Variants in COL2A1 observed in about 807,000 individuals in gnomAD.
COL2A1 encodes the protein collagen alpha-1(II) chain.
COL2A1 carries 28 observed loss-of-function variants against 204.5 expected under a neutral mutation model. The ratio of observed to expected loss-of-function variants is 0.14; its 90% CI spans 0.10 to 0.19. COL2A1 has a LOEUF of 0.19. Among genes scored for constraint, COL2A1 ranks in the 10% least tolerant of loss-of-function variants. COL2A1 has a pLI of 1.00. For synonymous variants in COL2A1, 708 were observed against 718.7 expected (o/e 0.99, Z 0.24); for missense variants, 1,388 against 2,027.5 (o/e 0.68, Z 6.06).
rs1464610512 is a variant in COL2A1 at position 47,992,880 on chromosome 12, C to A, written c.1021G>T (p.Ala341Ser). 6.2e-7 allele frequency: 1 copy of A among 1,614,072 alleles called. No individual in the cohort carries two copies. Among genetic ancestry groups the A allele is most frequent in the African/African-American group, 1.3e-5 (1 of 74,932 alleles). ...ERGRTGPAGAAGARGNDGQPG... is the reference protein window; with the variant it reads ...ERGRTGPAGASGARGNDGQPG... Reference sequence around the variant, plus strand: ...GTTTGGCTTTGTCAATTACTCACCGCAGCGCCAGCAGGGCCAGTCCGTCCT... The same window carrying A: ...GTTTGGCTTTGTCAATTACTCACCGAAGCGCCAGCAGGGCCAGTCCGTCCT... The change falls in exon 16 of 54, where the codon GCG becomes TCG. Residue 341 changes from alanine to serine, a missense_variant and splice_region_variant. Physicochemically the swap from Ala to Ser is moderately conservative, Grantham distance 99. Transcript: ENST00000380518.
chr12:47,984,462 C>A, intron 28 of COL2A1, 84 bp downstream of exon 28: 1 of 1,420,116 alleles, frequency 7.0e-7, no homozygotes, highest in Non-Finnish European at 9.9e-7. Flanking sequence ...GTCCCGGGAC[C>A]ATGCCATGGG....
chr12:47,998,336 G>T, intron 3 of COL2A1, 79 bp downstream of exon 3: 1 of 1,511,118 alleles, frequency 6.6e-7, no homozygotes, highest in South Asian at 1.1e-5. Context: ...TCACAGACTG[G>T]ATTAACATAG....
chr12:47,979,389 C>T (rs1394983309), intron 41 of COL2A1, 122 bp downstream of exon 41: 1 of 1,039,974 alleles, frequency 9.6e-7, no homozygotes, highest in South Asian at 1.3e-5. Flanking sequence ...AGCTACTCCT[C>T]CAGGGGGCAG....
intron 23 of COL2A1, 85 bp from the exon 24 acceptor site, chr12:47,986,050 C>A (rs549665964): frequency 1.5e-6 from 2 of 1,310,728 alleles, no homozygotes; most frequent in Non-Finnish European, 2.2e-6. Flanking sequence ...ACTAACCCAC[C>A]AACCCCAATT....
At chr12:47,982,239 G>T in intron 34 of COL2A1, 79 bp from the exon 35 acceptor site, 1 of 1,337,314 alleles carries the variant, frequency 7.5e-7, no homozygotes, top group South Asian at 1.2e-5. Flanking sequence ...CCAGGCTGGG[G>T]TGCTAGGGAA....
chr12:47,974,952 G>A (rs1270414420), intron 51 of COL2A1, 90 bp from the exon 52 acceptor site: 1 of 1,333,842 alleles, frequency 7.5e-7, no homozygotes, highest in Non-Finnish European at 1.0e-6. Context: ...AAGAGACAGA[G>A]AGGCCTACAG....
chr12:48,004,486 C>G (rs2136653635), upstream of COL2A1: 1 of 545,362 alleles, frequency 1.8e-6, no homozygotes, highest in South Asian at 2.3e-5. Context: ...CGTCTTCTCC[C>G]CGCCGCGGCG....
At position 47,980,464 on chromosome 12, in the gene COL2A1, C is replaced by T; in HGVS notation, c.2625+90G>A. ...TGGGGGTGTTCCCAGGCCTGCGAAC[C>T]ATCCTCTGCGCAGCCTGCTGGGGCC... On this transcript the variant is annotated intron_variant, in intron 39 of 53. Coordinates refer to ENST00000380518, the MANE Select transcript of COL2A1 (RefSeq NM_001844.5). This position sits in a 1 kb window ranked among gnomAD's most constrained non-coding sequence, Gnocchi z 4.5. The T allele has an allele frequency of 1.6e-6, 2 of 1,214,854 alleles. No individual in the cohort carries two copies. Among genetic ancestry groups the T allele is most frequent in the South Asian group, 1.3e-5 (1 of 77,408 alleles). The allele number at this position is 1,214,854 out of a possible 1,614,324, so 75.3% of individuals were successfully genotyped here. A position where few individuals can be genotyped will look rare whatever the true frequency, so the allele number is the denominator to read the frequency against.
chr12:47,982,810 C>T, intron 33 of COL2A1, 38 bp downstream of exon 33: 2 of 1,562,816 alleles, frequency 1.3e-6, no homozygotes, highest in South Asian at 1.1e-5. Flanking sequence ...GACTCCCAGG[C>T]TACCACGAAG....
intron 1 of COL2A1, chr12:48,002,881 T>C: frequency 6.6e-6 from 1 of 152,358 alleles, no homozygotes; most frequent in Non-Finnish European, 1.5e-5. Flanking sequence ...GCTCCAGCCC[T>C]GCCCCCGCTG....
intron 1 of COL2A1, 96 bp downstream of exon 1, chr12:48,004,141 G>T (rs76609872): frequency 1.0e-6 from 1 of 972,800 alleles, no homozygotes; most frequent in South Asian, 1.4e-5. Flanking sequence ...GTTTTAGCCC[G>T]GAGCCGCGGG....
At chr12:47,984,874 A>G (rs1939303486) in intron 27 of COL2A1, 121 bp downstream of exon 27, 1 of 883,332 alleles carries the variant, frequency 1.1e-6, no homozygotes, top group African/African-American at 1.7e-5. Context: ...CCCATGGCAC[A>G]GGAGCCCCAC....
At chr12:47,973,858 A>G (rs1938556046) in intron 53 of COL2A1, among the ~76,000 whole-genome samples, 2 of 152,026 alleles carry the variant, frequency 1.3e-5, no homozygotes, top group African/African-American at 4.8e-5. Context: ...TACAGTAGTC[A>G]CTGGGTTCCA....
In COL2A1 at chr12:47,987,524, C is replaced by T; in HGVS notation, c.1221+87G>A. The T allele has an allele frequency of 7.9e-7, 1 of 1,267,088 alleles. No homozygotes were observed. Among genetic ancestry groups the T allele is most frequent in the South Asian group, 1.3e-5 (1 of 79,396 alleles). The allele number at this position is 1,267,088 out of a possible 1,614,324, so 78.5% of individuals were successfully genotyped here. A position where few individuals can be genotyped will look rare whatever the true frequency, so the allele number is the denominator to read the frequency against. On this transcript the variant is annotated intron_variant, in intron 19 of 53. Transcript: ENST00000380518. The surrounding 1 kb of genome is among the most constrained non-coding windows in gnomAD (Gnocchi z 4.1). ...AGAATGAAGGTTTGGTGGTTGGAGC[C>T]CACAACTGTCAGAGCAAAGTACAGA...
At chr12:47,986,277 C>T in intron 23 of COL2A1, 59 bp downstream of exon 23, 1 of 1,142,816 alleles carries the variant, frequency 8.8e-7, no homozygotes, top group Non-Finnish European at 1.3e-6. Context: ...ACCACAAGGA[C>T]TCCACTTCCC....
In COL2A1 at chr12:47,974,116, C is replaced by T. The variant is rs554488169; in HGVS notation, c.4290G>A (p.Thr1430=). 9.9e-6 allele frequency: 16 copies of T among 1,614,174 alleles called. No individual in the cohort carries two copies. The highest frequency in any genetic ancestry group is 6.7e-5 in the Admixed American group (4 of 60,032). ...TGCAGCCATCCTTCAGGGCAGTGTA[C>T]GTGAACCTGCTATTGCCCTCTGCCC... The part of the protein sequence containing the change: ...EIRAEGNSRF[T]YTALKDGCTK... The change falls in exon 53 of 54, where the codon ACG becomes ACA. Residue 1430 remains threonine, a synonymous_variant. Coordinates refer to ENST00000380518, the MANE Select transcript of COL2A1 (RefSeq NM_001844.5).
intron 30 of COL2A1, 63 bp from the exon 31 acceptor site, chr12:47,983,501 G>A (rs1939209453): frequency 6.4e-7 from 1 of 1,553,720 alleles, no homozygotes; most frequent in African/African-American, 1.4e-5. Context: ...CCCCAGGGAG[G>A]CACAGTATAG....
intron 51 of COL2A1, 92 bp downstream of exon 51, chr12:47,975,224 GC>G (rs1938640706): frequency 1.3e-6 from 2 of 1,497,116 alleles, no homozygotes. Context: ...GCCCAGCTCT[GC>G]CCTGTACTAG....
rs963860927 is a variant in COL2A1, at chr12:47,976,233, AC to A, written c.3490-164del. ...TAAGTTGGTCTCTATTTGGCCAAGA[AC>A]CAGCAGGATAGCTCCATGGCTTGCC... is the stretch of plus-strand genomic sequence containing the variant. On this transcript the variant is annotated intron_variant, in intron 49 of 53. Transcript: ENST00000380518. The surrounding 1 kb of genome is among the most constrained non-coding windows in gnomAD (Gnocchi z 4.3). Among the ~76,000 whole-genome samples the A allele has an allele frequency of 3.9e-5, 6 of 152,244 alleles. No homozygotes were observed. The highest frequency in any genetic ancestry group is 7.2e-5 in the African/African-American group (3 of 41,460).
Sources: gnomAD v4.1 joint callset for allele counts (sites outside exome capture counted in the v4.1 genomes callset) on GRCh38, gnomAD v4.1.1 for gene constraint, Gnocchi (gnomAD v3.1) non-coding constraint, MANE v1.5 for transcripts, NCBI Gene and HGNC (gene_info 2026-07-23, HGNC 2026-07-21) for gene names.